PACRGL: variants seen among roughly 807,000 people sequenced by gnomAD.
The protein encoded by PACRGL is PACRG-like protein.
A neutral mutation model predicts 34.5 loss-of-function variants in PACRGL; 38 were observed. The ratio of observed to expected loss-of-function variants is 1.10; its 90% CI spans 0.85 to 1.44. PACRGL has a LOEUF of 1.44. Ranked by LOEUF, PACRGL falls within the 40% of genes most tolerant of loss-of-function variation. PACRGL has a pLI of 0.00. For synonymous variants in PACRGL, 128 were observed against 100.1 expected (o/e 1.28, Z -1.66); for missense variants, 305 against 281.4 (o/e 1.08, Z -0.60).
intron 3 of PACRGL, among the ~76,000 whole-genome samples, chr4:20,707,261 T>G (rs897192500): frequency 3.3e-5 from 5 of 152,208 alleles, no homozygotes; most frequent in African/African-American, 1.2e-4. Context: ...GCTATTCATA[T>G]ATAGCAAAAC....
chr4:20,698,721 GTTA>G (rs1731370247), upstream of PACRGL, among the ~76,000 whole-genome samples: 1 of 152,144 alleles, frequency 6.6e-6, no homozygotes, highest in Non-Finnish European at 1.5e-5. Flanking sequence ...TATACTAATT[GTTA>G]TTATAAAGAT....
At position 20,704,766 on chromosome 4, in the gene PACRGL, A is replaced by G. The variant is rs1202703221; in HGVS notation, c.159A>G (p.Lys53=). The G allele has an allele frequency of 1.2e-6, 2 of 1,614,118 alleles. No individual in the cohort carries two copies. Among genetic ancestry groups the G allele is most frequent in the Admixed American group, 3.3e-5 (2 of 60,026 alleles). The stretch of plus-strand genomic sequence containing the variant: ...CCAGTTCTCCAGAGTCTGCAAGAAA[A>G]CTTCATCCTAGACCAAGTGATAAAC... The part of the protein sequence containing the change: ...LSTSSPESAR[K]LHPRPSDKLN... Residue 53 remains lysine, a synonymous_variant, in exon 3 of 9, where the codon AAA becomes AAG. Transcript: ENST00000503585.
chr4:20,749,953 A>C (rs1460130527), intron 8 of PACRGL, among the ~76,000 whole-genome samples: 5 of 152,210 alleles, frequency 3.3e-5, no homozygotes, highest in African/African-American at 1.2e-4. Context: ...AACATTCTCT[A>C]TGAGTTTCTG....
rs1447632200 is a variant in PACRGL, at chr4:20,729,010, A to C, written c.*1669A>C. 1.3e-5 allele frequency: 2 copies of C among 152,314 alleles called. No homozygotes were observed. Among genetic ancestry groups the C allele is most frequent in the Non-Finnish European group, 2.9e-5 (2 of 68,030 alleles). 9.4% of individuals were successfully genotyped at this position (152,314 alleles called of 1,614,324 possible). On this transcript the variant is annotated 3_prime_UTR_variant, in exon 9 of 9. Coordinates refer to ENST00000503585, the MANE Select transcript of PACRGL (RefSeq NM_001258345.3). ...TTATTTTCTACTAAATCTTGGTAGT[A>C]GTTGTCAATGTAATGGAACCACTGG...
At chr4:20,746,795 T>C (rs1485342860) in intron 8 of PACRGL, among the ~76,000 whole-genome samples, 1 of 152,158 alleles carries the variant, frequency 6.6e-6, no homozygotes, top group Non-Finnish European at 1.5e-5. Context: ...CCTCCTATCA[T>C]ATTTCTTCTG....
At chr4:20,704,927 A>G in intron 3 of PACRGL, 113 bp downstream of exon 3, 2 of 1,215,746 alleles carry the variant, frequency 1.6e-6, no homozygotes, top group Non-Finnish European at 2.4e-6. Context: ...TTGAGCTAAT[A>G]ATGAGAGAAG....
At chr4:20,749,368 G>A (rs1192218993) in intron 8 of PACRGL, among the ~76,000 whole-genome samples, 1 of 152,118 alleles carries the variant, frequency 6.6e-6, no homozygotes, top group Non-Finnish European at 1.5e-5. Flanking sequence ...TGGCCCATAA[G>A]GAGGTGTCAG....
downstream of PACRGL, chr4:20,732,593 C>T: frequency 1.2e-6 from 1 of 802,702 alleles, no homozygotes; most frequent in East Asian, 2.5e-5. Context: ...TTTTCCTTTG[C>T]TCTCTTTTGA....
chr4:20,743,411 C>A (rs1405769374), intron 8 of PACRGL, among the ~76,000 whole-genome samples: 1 of 152,068 alleles, frequency 6.6e-6, no homozygotes, highest in Non-Finnish European at 1.5e-5. Context: ...GGTACTGGTA[C>A]CAAAACAGAG....
chr4:20,728,779 A>G lies in PACRGL; in HGVS notation c.*1438A>G, dbSNP rs187473621. On this transcript the variant is annotated 3_prime_UTR_variant, in exon 9 of 9. Transcript: ENST00000503585. ...TTTCAACATCCTATCTCTACACCAG[A>G]ATAGATACCTGATTTATTGTTGCAA... 164 of 152,720 alleles carry G rather than the reference A, an allele frequency of 1.1e-3. No homozygotes were observed. Among genetic ancestry groups the G allele is most frequent in the Non-Finnish European group, 1.9e-3 (132 of 68,028 alleles). The allele number at this position is 152,720 out of a possible 1,614,324, so 9.5% of individuals were successfully genotyped here.
At chr4:20,712,055 C>T (rs1316397192) in intron 5 of PACRGL, among the ~76,000 whole-genome samples, 1 of 152,026 alleles carries the variant, frequency 6.6e-6, no homozygotes, top group African/African-American at 2.4e-5. Flanking sequence ...ATTTGCTCTG[C>T]TTTCAGAAAG....
Position 20,731,310 on chromosome 4 carries a change from G to A in PACRGL, c.*3969G>A, listed in dbSNP as rs1748137572. On this transcript the variant is annotated 3_prime_UTR_variant, in exon 9 of 9. Coordinates refer to ENST00000503585, the MANE Select transcript of PACRGL (RefSeq NM_001258345.3). The stretch of plus-strand genomic sequence containing the variant: ...ATTGGACTCAAAATCCTGGCCTTAA[G>A]TTATCTTCCCGCCTCAGCCTCCCAT... 1 of 824,464 alleles carries A rather than the reference G, an allele frequency of 1.2e-6. No homozygotes were observed. Among genetic ancestry groups the A allele is most frequent in the Non-Finnish European group, 1.5e-6 (1 of 683,108 alleles). 51.1% of individuals were successfully genotyped at this position (824,464 alleles called of 1,614,324 possible). A position where few individuals can be genotyped will look rare whatever the true frequency, so the allele number is the denominator to read the frequency against.
chr4:20,731,569 A>C lies in PACRGL; in HGVS notation c.*4228A>C. 1.0e-6 allele frequency: 1 copy of C among 985,404 alleles called. No homozygotes were observed. The highest frequency in any genetic ancestry group is 1.2e-6 in the Non-Finnish European group (1 of 829,910). 61.0% of individuals were successfully genotyped at this position (985,404 alleles called of 1,614,324 possible). A position where few individuals can be genotyped will look rare whatever the true frequency, so the allele number is the denominator to read the frequency against. ...TTTCTTGTCCACATACACTAAAACAATGACTTTTCTCTTAGAAATCAGATA... is the reference window on the plus strand; with the variant it reads ...TTTCTTGTCCACATACACTAAAACACTGACTTTTCTCTTAGAAATCAGATA... On this transcript the variant is annotated 3_prime_UTR_variant, in exon 9 of 9. Coordinates refer to ENST00000503585, the MANE Select transcript of PACRGL (RefSeq NM_001258345.3).
chr4:20,766,089 C>T, the PACRGL span, among the ~76,000 whole-genome samples: 2 of 151,990 alleles, frequency 1.3e-5, no homozygotes, highest in African/African-American at 4.8e-5. Context: ...CACATGAGCA[C>T]TTTTTATGTT....
In PACRGL at chr4:20,730,432, A is replaced by ACAGAGGTG. The variant is rs971681978; in HGVS notation, c.*3100_*3107dup. Among the ~76,000 whole-genome samples the ACAGAGGTG allele has an allele frequency of 9.9e-5, 15 of 152,048 alleles. No homozygotes were observed. The highest frequency in any genetic ancestry group is 3.4e-4 in the African/African-American group (14 of 41,560). On this transcript the variant is annotated 3_prime_UTR_variant, in exon 9 of 9. Coordinates refer to ENST00000503585, the MANE Select transcript of PACRGL (RefSeq NM_001258345.3). The stretch of plus-strand genomic sequence containing the variant: ...AAATCATAATGCCAAAATGGAAACT[A>ACAGAGGTG]CAGAGGTGCAGAGGTGTGTCAAAGC...
intron 7 of PACRGL, among the ~76,000 whole-genome samples, chr4:20,714,564 C>T (rs991445546): frequency 1.5e-4 from 23 of 152,076 alleles, no homozygotes; most frequent in Admixed American, 1.5e-3. Flanking sequence ...GGTTATTTTG[C>T]TCGTTAGTTG....
At chr4:20,696,709 A>G (rs77663552), upstream of PACRGL, among the ~76,000 whole-genome samples, 33 of 152,276 alleles carry the variant, frequency 2.2e-4, no homozygotes, top group East Asian at 6.4e-3. Context: ...ACTTCATTCT[A>G]TGTTTGCCCA....
At chr4:20,734,784 AAAAC>A (rs1233998900), downstream of PACRGL, 18 of 1,059,626 alleles carry the variant, frequency 1.7e-5, no homozygotes, top group East Asian at 2.5e-5. Context: ...TAAAAAAACA[AAAAC>A]AAAAAAAACA....
At chr4:20,732,798 A>T (rs1368988392), downstream of PACRGL, 1 of 1,512,270 alleles carries the variant, frequency 6.6e-7, no homozygotes, top group Non-Finnish European at 9.2e-7. Flanking sequence ...GAAAAATAAA[A>T]GGCACTCACG....
Sources: gnomAD v4.1 joint callset for allele counts (sites outside exome capture counted in the v4.1 genomes callset) on GRCh38, gnomAD v4.1.1 for gene constraint, MANE v1.5 for transcripts, NCBI Gene and HGNC (gene_info 2026-07-23, HGNC 2026-07-21) for gene names.